The following MYH10 variants were observed in gnomAD, a reference collection of about 807,000 sequenced individuals.
The protein encoded by MYH10 is myosin heavy chain 10, also known as myosin-10.
MYH10 carries 55 observed loss-of-function variants against 257.8 expected under a neutral mutation model. The observed-to-expected ratio is 0.21, with a 90% CI of 0.17 to 0.27. The LOEUF (loss-of-function observed/expected upper bound fraction) is 0.27. Ranked by LOEUF, MYH10 falls within the 10% of genes least tolerant of loss-of-function variation. MYH10 has a pLI of 1.00. For synonymous variants in MYH10, 854 were observed against 921.7 expected, an observed-to-expected ratio of 0.93 and a Z score of 1.33; for missense variants, 1,631 against 2,500.6, an observed-to-expected ratio of 0.65 and a Z score of 7.42.
chr17:8,529,524 A>G (rs2081955010), intron 17 of MYH10, among the ~76,000 whole-genome samples: 1 of 152,176 alleles, frequency 6.6e-6, no homozygotes, highest in African/African-American at 2.4e-5. Flanking sequence ...AGCATTCCCC[A>G]ACGCCAAAGA....
At chr17:8,521,944 T>A (rs2081667423) in intron 17 of MYH10, among the ~76,000 whole-genome samples, 1 of 152,218 alleles carries the variant, frequency 6.6e-6, no homozygotes, top group Non-Finnish European at 1.5e-5. Flanking sequence ...GATAAATGAC[T>A]AAGCTTCCTA....
At chr17:8,542,386 A>G in intron 13 of MYH10, 106 bp from the exon 14 acceptor site, 1 of 944,614 alleles carries the variant, frequency 1.1e-6, no homozygotes, top group South Asian at 1.7e-5. Context: ...ATTACTAATT[A>G]GGTAGGAAGT....
chr17:8,504,666 C>G lies in MYH10; in HGVS notation c.3599+28G>C. 1.2e-6 allele frequency: 2 copies of G among 1,602,118 alleles called. No individual in the cohort carries two copies. Among genetic ancestry groups the G allele is most frequent in the Admixed American group, 1.7e-5 (1 of 59,666 alleles). On this transcript the variant is annotated intron_variant, in intron 28 of 42. Coordinates refer to ENST00000360416, the MANE Select transcript of MYH10 (RefSeq NM_001256012.3). The surrounding 1 kb of genome is among the most constrained non-coding windows in gnomAD (Gnocchi z 5.6). ...CTCGGTGGAGAGGTCGGCAGGCGCC[C>G]GGGCCCTGCTTCCTCTCCCACACTC... is the stretch of plus-strand genomic sequence containing the variant.
In MYH10 at chr17:8,492,288, G is replaced by T; in HGVS notation, c.4671+9C>A. 6.2e-7 allele frequency: 1 copy of T among 1,610,322 alleles called. No individual in the cohort carries two copies. The stretch of plus-strand genomic sequence containing the variant: ...CGTGCGGAAGTGTGGAGCCCACCAG[G>T]CGACTTACGTTTTTTCCCACATCAT... On this transcript the variant is annotated intron_variant, in intron 34 of 42. Coordinates refer to ENST00000360416, the MANE Select transcript of MYH10 (RefSeq NM_001256012.3).
chr17:8,587,943 C>T (rs1390085825), intron 4 of MYH10, among the ~76,000 whole-genome samples: 1 of 152,074 alleles, frequency 6.6e-6, no homozygotes, highest in Non-Finnish European at 1.5e-5. Flanking sequence ...ACTCCAGCAC[C>T]CTCCACTCTC....
intron 2 of MYH10, among the ~76,000 whole-genome samples, chr17:8,612,144 C>CT (rs1191764801): frequency 6.6e-6 from 1 of 152,202 alleles, no homozygotes; most frequent in Non-Finnish European, 1.5e-5. Context: ...TGCTGTACAG[C>CT]TATTAATCAC....
At chr17:8,528,079 A>G (rs922011465) in intron 17 of MYH10, among the ~76,000 whole-genome samples, 2 of 152,154 alleles carry the variant, frequency 1.3e-5, no homozygotes, top group African/African-American at 4.8e-5. Flanking sequence ...GGTTTTCCCC[A>G]ATTTTTGCTC....
At chr17:8,560,558 T>C (rs2036029) in intron 7 of MYH10, 750,740 of 758,524 alleles carry the variant, frequency 0.99, 371,929 homozygotes, top group East Asian at 1. Flanking sequence ...GCCGACAAAG[T>C]TCCAAAAACA....
intron 2 of MYH10, among the ~76,000 whole-genome samples, chr17:8,619,596 C>T (rs932090054): frequency 6.6e-6 from 1 of 152,070 alleles, no homozygotes; most frequent in East Asian, 1.9e-4. Context: ...AAAGGCTACA[C>T]ACTATGAGAT....
intron 28 of MYH10, among the ~76,000 whole-genome samples, chr17:8,502,707 G>C (rs1358258405): frequency 6.6e-6 from 1 of 152,138 alleles, no homozygotes; most frequent in African/African-American, 2.4e-5. Context: ...TGTTCTCTAA[G>C]GGTCCTTAGC....
chr17:8,498,822 T>G (rs1917083966), intron 30 of MYH10, among the ~76,000 whole-genome samples: 2 of 152,088 alleles, frequency 1.3e-5, no homozygotes, highest in African/African-American at 4.8e-5. Context: ...CACTCCAGCC[T>G]GGGCAACAGA....
Position 8,488,921 on chromosome 17 carries a change from A to G in MYH10, c.4885-1327T>C, listed in dbSNP as rs181554183. ...TAAAAAAATTTCTACAAATTCTTTA[A>G]TACTCCCCACCTTAAAGAGTTGGAG... is the stretch of plus-strand genomic sequence containing the variant. On this transcript the variant is annotated intron_variant, in intron 35 of 42. Transcript: ENST00000360416. 1.8e-3 allele frequency among the ~76,000 whole-genome samples: 277 copies of G among 152,318 alleles called. 4 individuals carry two copies. The highest frequency in any genetic ancestry group is 6.5e-3 in the African/African-American group (271 of 41,578).
At position 8,545,345 on chromosome 17, in the gene MYH10, T is replaced by C; in HGVS notation, c.1431+103A>G. Reference sequence around the variant, plus strand: ...GGCTCTACTAGAATGGCAGGGACTGTATCCCTGGTGCCTCGTATGTACTGG... The same window carrying C: ...GGCTCTACTAGAATGGCAGGGACTGCATCCCTGGTGCCTCGTATGTACTGG... On this transcript the variant is annotated intron_variant, in intron 13 of 42. Coordinates refer to ENST00000360416, the MANE Select transcript of MYH10 (RefSeq NM_001256012.3). This position sits in a 1 kb window ranked among gnomAD's most constrained non-coding sequence, Gnocchi z 4.7. 1 of 1,263,072 alleles carries C rather than the reference T, an allele frequency of 7.9e-7. No individual in the cohort carries two copies. The allele number at this position is 1,263,072 out of a possible 1,614,324, so 78.2% of individuals were successfully genotyped here. A position where few individuals can be genotyped will look rare whatever the true frequency, so the allele number is the denominator to read the frequency against.
At position 8,490,562 on chromosome 17, in the gene MYH10, C is replaced by A; in HGVS notation, c.4672-10G>T. 6.2e-7 allele frequency: 1 copy of A among 1,613,296 alleles called. No homozygotes were observed. The highest frequency in any genetic ancestry group is 8.5e-7 in the Non-Finnish European group (1 of 1,179,270). ...TTTCAAGTTCGTGAACCTAAACCAC[C>A]GAAGCATCAGGAAAGAGTTGACCGG... On this transcript the variant is annotated splice_polypyrimidine_tract_variant and intron_variant, in intron 34 of 42. Transcript: ENST00000360416. The surrounding 1 kb of genome is among the most constrained non-coding windows in gnomAD (Gnocchi z 4.1).
chr17:8,547,212 CTTACCT>C (rs1389354847), intron 11 of MYH10, among the ~76,000 whole-genome samples: 1 of 152,136 alleles, frequency 6.6e-6, no homozygotes, highest in African/African-American at 2.4e-5. Context: ...GCCCAGCCTC[CTTACCT>C]TTACAAGAGT....
chr17:8,588,565 C>T (rs1238644402), intron 4 of MYH10, among the ~76,000 whole-genome samples: 1 of 152,224 alleles, frequency 6.6e-6, no homozygotes, highest in Non-Finnish European at 1.5e-5. Flanking sequence ...TACTTCTATA[C>T]CTGAAGTCCT....
intron 21 of MYH10, among the ~76,000 whole-genome samples, chr17:8,515,887 CA>C (rs2081453143): frequency 6.6e-6 from 1 of 152,106 alleles, no homozygotes; most frequent in Non-Finnish European, 1.5e-5. Context: ...ACTACAAAAA[CA>C]AAAGTTTCAA....
In MYH10 at chr17:8,480,723, A is replaced by G. The variant is rs969511010; in HGVS notation, c.5265-198T>C. ...CCAAACACCCTCCCCCGCTGCCACC[A>G]CCCAGATGCAGGCCTGTCATCTCTC... On this transcript the variant is annotated intron_variant, in intron 38 of 42. Transcript: ENST00000360416. The G allele has an allele frequency of 9.0e-6, 6 of 669,118 alleles. No individual in the cohort carries two copies. In the African/African-American group the frequency reaches 1.1e-4, roughly 12 times the overall value. The allele number at this position is 669,118 out of a possible 1,614,324, so 41.4% of individuals were successfully genotyped here. A position where few individuals can be genotyped will look rare whatever the true frequency, so the allele number is the denominator to read the frequency against.
At chr17:8,487,683 A>G in intron 35 of MYH10, 89 bp from the exon 36 acceptor site, 1 of 1,485,744 alleles carries the variant, frequency 6.7e-7, no homozygotes, top group Non-Finnish European at 9.3e-7. Context: ...GGCTCTGGTT[A>G]CTCGGGTGAG....
Sources: allele counts gnomAD v4.1 joint callset (sites outside exome capture counted in the v4.1 genomes callset), GRCh38; gene constraint gnomAD v4.1.1; non-coding constraint Gnocchi (gnomAD v3.1); transcripts MANE v1.5; gene names NCBI Gene and HGNC (gene_info 2026-07-23, HGNC 2026-07-21).